CCDC91: variants seen among roughly 807,000 people sequenced by gnomAD.
CCDC91 encodes the protein coiled-coil domain-containing protein 91.
A neutral mutation model predicts 63.2 loss-of-function variants in CCDC91; 48 were observed. That is an observed-to-expected ratio of 0.76 (90% confidence interval 0.60 to 0.97). The LOEUF (loss-of-function observed/expected upper bound fraction) is 0.97, where lower values mean the gene tolerates loss of function less well. CCDC91 is among the 50% of genes least tolerant of loss of function. The probability of loss-of-function intolerance (pLI) is 0.00; values close to 1 mark genes in which losing one functional copy is unlikely to be tolerated. For missense variants in CCDC91, 500 were observed against 494.6 expected (o/e 1.01, Z -0.10); for synonymous variants, 167 against 165.8 (o/e 1.01, Z -0.06).
At chr12:28,306,522 A>C (rs1355048630) in intron 4 of CCDC91, among the ~76,000 whole-genome samples, 3 of 152,096 alleles carry the variant, frequency 2.0e-5, no homozygotes, top group Non-Finnish European at 2.9e-5. Flanking sequence ...TGAATACTTT[A>C]GATTTCAAAA....
At chr12:28,202,517 T>C (rs762235141) in intron 1 of CCDC91, among the ~76,000 whole-genome samples, 1 of 152,234 alleles carries the variant, frequency 6.6e-6, no homozygotes, top group Non-Finnish European at 1.5e-5. Flanking sequence ...AGTCTCTGCA[T>C]GGTTAGTACT....
intron 7 of CCDC91, among the ~76,000 whole-genome samples, chr12:28,387,730 T>C (rs1294776868): frequency 6.6e-6 from 1 of 152,244 alleles, no homozygotes; most frequent in Non-Finnish European, 1.5e-5. Context: ...CATTCCTTTT[T>C]ATGGCTGAGT....
chr12:28,406,832 C>A (rs116694144), intron 8 of CCDC91, among the ~76,000 whole-genome samples: 3,039 of 128,870 alleles, frequency 0.024, 115 homozygotes, highest in African/African-American at 0.071. Context: ...ATATCAATAC[C>A]CAACTCTTCC....
At chr12:28,388,759 G>A (rs1945760593) in intron 7 of CCDC91, among the ~76,000 whole-genome samples, 1 of 152,088 alleles carries the variant, frequency 6.6e-6, no homozygotes, top group Non-Finnish European at 1.5e-5. Flanking sequence ...AGTGGGGAAA[G>A]GACACCCTTT....
intron 1 of CCDC91, among the ~76,000 whole-genome samples, chr12:28,229,764 AT>A (rs1944475183): frequency 6.7e-6 from 1 of 150,282 alleles, no homozygotes; most frequent in African/African-American, 2.4e-5. Context: ...CCTAAGACTG[AT>A]TATTAATGAT....
At chr12:28,197,940 G>T (rs1168479298) in intron 1 of CCDC91, among the ~76,000 whole-genome samples, 1 of 152,008 alleles carries the variant, frequency 6.6e-6, no homozygotes, top group East Asian at 1.9e-4. Context: ...GAAATGTGAA[G>T]AATTTTGTAA....
intron 7 of CCDC91, among the ~76,000 whole-genome samples, chr12:28,385,778 A>C (rs1009931040): frequency 1.3e-5 from 2 of 152,154 alleles, no homozygotes; most frequent in African/African-American, 2.4e-5. Context: ...CAATGGGGCT[A>C]TTTCAAGGGA....
Position 28,476,432 on chromosome 12 carries a change from G to A in CCDC91, c.1102-7620G>A, listed in dbSNP as rs182132266. Among the ~76,000 whole-genome samples the A allele has an allele frequency of 8.1e-3, 1,224 of 152,028 alleles. 12 individuals are homozygous for A. The highest frequency in any genetic ancestry group is 0.011 in the South Asian group (55 of 4,792). On this transcript the variant is annotated intron_variant, in intron 11 of 12. Coordinates refer to ENST00000536442, the MANE Select transcript of CCDC91 (RefSeq NM_018318.5). The stretch of plus-strand genomic sequence containing the variant: ...TTCTTTGAAACCAGCGAGAACAAAG[G>A]CACAACATTCCAGAATCTCTGGGAC...
At chr12:28,526,501 G>A (rs1377898652) in intron 12 of CCDC91, among the ~76,000 whole-genome samples, 37 of 151,996 alleles carry the variant, frequency 2.4e-4, no homozygotes, top group African/African-American at 8.7e-4. Context: ...TTCCTTTATA[G>A]GTTACCTGGT....
intron 3 of CCDC91, among the ~76,000 whole-genome samples, chr12:28,287,738 G>A (rs1948999542): frequency 6.6e-6 from 1 of 152,212 alleles, no homozygotes; most frequent in Admixed American, 6.5e-5. Flanking sequence ...GTTCTGTGAA[G>A]AATGTCATTG....
chr12:28,401,632 A>G (rs924905472), intron 8 of CCDC91, among the ~76,000 whole-genome samples: 2 of 152,176 alleles, frequency 1.3e-5, no homozygotes, highest in African/African-American at 2.4e-5. Flanking sequence ...GGAGAACAGC[A>G]TGGGGGAAAT....
At chr12:28,547,245 A>G (rs187722867) in intron 12 of CCDC91, among the ~76,000 whole-genome samples, 144 of 152,204 alleles carry the variant, frequency 9.5e-4, no homozygotes, top group African/African-American at 3.4e-3. Flanking sequence ...AGTGCAAAAT[A>G]GTTTTAGAAG....
At chr12:28,439,165 T>G (rs1949055240) in intron 8 of CCDC91, among the ~76,000 whole-genome samples, 1 of 152,174 alleles carries the variant, frequency 6.6e-6, no homozygotes, top group South Asian at 2.1e-4. Flanking sequence ...GCTATTTGGT[T>G]GAAGTAAATC....
intron 1 of CCDC91, among the ~76,000 whole-genome samples, chr12:28,254,059 GTA>G (rs1484976202): frequency 2.6e-5 from 4 of 152,100 alleles, no homozygotes; most frequent in African/African-American, 9.7e-5. Context: ...TGTGTATTCT[GTA>G]TATGTTTTGT....
At chr12:28,267,894 A>C (rs1230356480) in intron 3 of CCDC91, among the ~76,000 whole-genome samples, 1 of 80,768 alleles carries the variant, frequency 1.2e-5, no homozygotes, top group Non-Finnish European at 2.3e-5. Context: ...TATTATAATT[A>C]TATATAATTA....
intron 7 of CCDC91, among the ~76,000 whole-genome samples, chr12:28,370,841 A>T (rs933975963): frequency 4.6e-5 from 7 of 151,966 alleles, no homozygotes; most frequent in Non-Finnish European, 1.0e-4. Context: ...GAGAGAGCGA[A>T]GTGGGAAGAG....
intron 1 of CCDC91, among the ~76,000 whole-genome samples, chr12:28,219,832 T>G (rs1487625085): frequency 1.3e-5 from 2 of 152,328 alleles, no homozygotes; most frequent in East Asian, 1.9e-4. Context: ...TGTATACATT[T>G]GAATATTATA....
intron 11 of CCDC91, among the ~76,000 whole-genome samples, chr12:28,462,178 G>C (rs1398917951): frequency 6.6e-6 from 1 of 151,832 alleles, no homozygotes; most frequent in African/African-American, 2.4e-5. Context: ...TGTGAAGCTG[G>C]CATTTTGGAT....
chr12:28,402,773 C>T (rs1454831599), intron 8 of CCDC91, among the ~76,000 whole-genome samples: 1 of 151,978 alleles, frequency 6.6e-6, no homozygotes, highest in African/African-American at 2.4e-5. Flanking sequence ...ATGATCTTGG[C>T]TGTAGAATTT....
Sources: allele counts gnomAD v4.1 joint callset (sites outside exome capture counted in the v4.1 genomes callset), GRCh38; gene constraint gnomAD v4.1.1; transcripts MANE v1.5; gene names NCBI Gene and HGNC (gene_info 2026-07-23, HGNC 2026-07-21).